The following THEMIS variants were observed in gnomAD, a reference collection of about 807,000 sequenced individuals.
THEMIS encodes thymocyte selection associated.
A neutral mutation model predicts 52.6 loss-of-function variants in THEMIS; 37 were observed. The ratio of observed to expected loss-of-function variants is 0.70; its 90% CI spans 0.54 to 0.93. The LOEUF is 0.93. THEMIS is among the 40% of genes least tolerant of loss of function. The pLI is 0.00. For missense variants in THEMIS, 808 were observed against 763.1 expected, an observed-to-expected ratio of 1.06 and a Z score of -0.69; for synonymous variants, 292 against 272.7, an observed-to-expected ratio of 1.07 and a Z score of -0.70.
intron 4 of THEMIS, among the ~76,000 whole-genome samples, chr6:127,783,425 A>C (rs544201364): frequency 6.6e-6 from 1 of 152,366 alleles, no homozygotes; most frequent in South Asian, 2.1e-4. Flanking sequence ...TGCACAGCAA[A>C]ATAAACTATC....
chr6:127,830,101 T>A (rs1030174246), intron 2 of THEMIS, among the ~76,000 whole-genome samples, 167 bp from the exon 3 acceptor site: 1 of 152,144 alleles, frequency 6.6e-6, no homozygotes, highest in Non-Finnish European at 1.5e-5. Flanking sequence ...CTAGGTAAAA[T>A]TATGAAGTAT....
chr6:127,716,473 A>G (rs969812189), intron 5 of THEMIS, among the ~76,000 whole-genome samples: 2 of 151,886 alleles, frequency 1.3e-5, no homozygotes, highest in African/African-American at 4.8e-5. Flanking sequence ...TGATTGTTTG[A>G]TGCAGGGGGT....
Position 127,779,113 on chromosome 6 carries a change from ATCAG to A in THEMIS, c.1758+33766_1758+33769del, listed in dbSNP as rs367703799. ...AACTACAGACTGCCTACATGTGATG[ATCAG>A]TCAATCTGTCAAAAAGGTAGTTACT... On this transcript the variant is annotated intron_variant, in intron 4 of 5. Coordinates refer to ENST00000368248, the MANE Select transcript of THEMIS (RefSeq NM_001010923.3). 2.2e-4 allele frequency among the ~76,000 whole-genome samples: 34 copies of A among 152,236 alleles called. 1 individual carries two copies. In the East Asian group the frequency reaches 3.7e-3, roughly 16 times the overall value.
At chr6:127,905,134 T>C (rs1781237368), upstream of THEMIS, among the ~76,000 whole-genome samples, 1 of 151,968 alleles carries the variant, frequency 6.6e-6, no homozygotes, top group African/African-American at 2.4e-5. Flanking sequence ...CATCAATCCA[T>C]AGATTCAAGC....
rs78271446 is a variant in THEMIS at position 127,710,664 on chromosome 6, C to T, written c.1895-648G>A. On this transcript the variant is annotated intron_variant, in intron 5 of 5. Transcript: ENST00000368248. ...TCAGACTCTCAAATAAAGCAAGCTA[C>T]GCTACGAATAGGAATTGTGCCTATC... is the stretch of plus-strand genomic sequence containing the variant. Among the ~76,000 whole-genome samples the T allele has an allele frequency of 7.1e-3, 1,080 of 152,074 alleles. 13 individuals are homozygous for T. Among genetic ancestry groups the T allele is most frequent in the African/African-American group, 0.025 (1,038 of 41,504 alleles).
chr6:127,862,428 A>ATTTTTTGTTTT (rs1779834442), intron 1 of THEMIS, among the ~76,000 whole-genome samples: 1 of 72,808 alleles, frequency 1.4e-5, no homozygotes, highest in Admixed American at 1.7e-4. Flanking sequence ...TAGGGAGTAA[A>ATTTTTTGTTTT]TTTTTTTTTT....
At chr6:127,870,966 C>T (rs1302766518) in intron 1 of THEMIS, among the ~76,000 whole-genome samples, 1 of 152,148 alleles carries the variant, frequency 6.6e-6, no homozygotes, top group South Asian at 2.1e-4. Flanking sequence ...TATAGAAGAA[C>T]TCCACAACAT....
chr6:127,751,540 T>C (rs997077843), intron 4 of THEMIS, among the ~76,000 whole-genome samples: 1 of 151,700 alleles, frequency 6.6e-6, no homozygotes, highest in Non-Finnish European at 1.5e-5. Flanking sequence ...CAATACTTTA[T>C]ATGAGACAAA....
chr6:127,809,010 T>C (rs1473393534), intron 4 of THEMIS, among the ~76,000 whole-genome samples: 1 of 152,210 alleles, frequency 6.6e-6, no homozygotes, highest in Non-Finnish European at 1.5e-5. Flanking sequence ...TGTTACTTAA[T>C]GCAAGAAATG....
chr6:127,855,634 G>A (rs1484488336), intron 1 of THEMIS, among the ~76,000 whole-genome samples: 2 of 151,892 alleles, frequency 1.3e-5, no homozygotes, highest in African/African-American at 4.8e-5. Context: ...CACATTAAGA[G>A]GGTCATATTT....
At chr6:127,701,198 C>T in the THEMIS span, among the ~76,000 whole-genome samples, 1 of 152,070 alleles carries the variant, frequency 6.6e-6, no homozygotes, top group Non-Finnish European at 1.5e-5. Flanking sequence ...ATACTTCTTT[C>T]TATTACCATA....
At chr6:127,907,944 T>C (rs1347844202) in intron 1 of THEMIS, among the ~76,000 whole-genome samples, 1 of 152,070 alleles carries the variant, frequency 6.6e-6, no homozygotes, top group Non-Finnish European at 1.5e-5. Flanking sequence ...TTTATAAGAA[T>C]GAATATGAAT....
At chr6:127,884,509 C>A (rs567240653) in intron 1 of THEMIS, among the ~76,000 whole-genome samples, 1 of 152,114 alleles carries the variant, frequency 6.6e-6, no homozygotes, top group Non-Finnish European at 1.5e-5. Context: ...CTAGTCTAGA[C>A]TCTTCAACTC....
chr6:127,883,845 T>C (rs543293798), intron 1 of THEMIS, among the ~76,000 whole-genome samples: 26 of 152,246 alleles, frequency 1.7e-4, no homozygotes, highest in South Asian at 4.1e-4. Context: ...GTGTGTTAAA[T>C]GCAGTTTTGA....
chr6:127,751,928 A>G (rs899883999), intron 4 of THEMIS, among the ~76,000 whole-genome samples: 3 of 151,700 alleles, frequency 2.0e-5, no homozygotes, highest in African/African-American at 7.2e-5. Flanking sequence ...TCATTCTCCA[A>G]AATAGGTCAT....
At chr6:127,772,446 A>C (rs1422132863) in intron 4 of THEMIS, among the ~76,000 whole-genome samples, 1 of 152,016 alleles carries the variant, frequency 6.6e-6, no homozygotes, top group Admixed American at 6.6e-5. Context: ...TTTCTCCTCA[A>C]CATACAATGG....
chr6:127,891,539 A>T (rs1296608895), intron 1 of THEMIS, among the ~76,000 whole-genome samples: 2 of 6,628 alleles, frequency 3.0e-4, no homozygotes, highest in African/African-American at 8.7e-4. Flanking sequence ...CCAGCTCAAC[A>T]AAAAAAAAAA....
Position 127,709,186 on chromosome 6 carries a change from A to T in THEMIS, c.*799T>A, listed in dbSNP as rs1054583892. ...GCCAAATTTATTATATTACAATTTT[A>T]TTGTCTTTTTCTTTCCATCAAATAT... On this transcript the variant is annotated 3_prime_UTR_variant, in exon 6 of 6. Transcript: ENST00000368248. 1 of 152,018 alleles carries T rather than the reference A, an allele frequency of 6.6e-6. No homozygotes were observed. Among genetic ancestry groups the T allele is most frequent in the Admixed American group, 6.6e-5 (1 of 15,234 alleles). 9.4% of individuals were successfully genotyped at this position (152,018 alleles called of 1,614,324 possible). A position where few individuals can be genotyped will look rare whatever the true frequency, so the allele number is the denominator to read the frequency against.
rs991447200 is a variant in THEMIS at position 127,708,502 on chromosome 6, G to A, written c.*1483C>T. 3.9e-5 allele frequency: 6 copies of A among 151,952 alleles called. No homozygotes were observed. Among genetic ancestry groups the A allele is most frequent in the Non-Finnish European group, 7.4e-5 (5 of 67,968 alleles). The allele number at this position is 151,952 out of a possible 1,614,324, so 9.4% of individuals were successfully genotyped here. ...GTTTGAAAAATAACAAATTATATGA[G>A]TCTAAAAACACCTATGGTGCAGTTT... is the stretch of plus-strand genomic sequence containing the variant. On this transcript the variant is annotated 3_prime_UTR_variant, in exon 6 of 6. Transcript: ENST00000368248.
Sources: allele counts gnomAD v4.1 joint callset (sites outside exome capture counted in the v4.1 genomes callset), GRCh38; gene constraint gnomAD v4.1.1; transcripts MANE v1.5; gene names NCBI Gene and HGNC (gene_info 2026-07-23, HGNC 2026-07-21).